PVT1: variants seen among roughly 807,000 people sequenced by gnomAD.
PVT1 encodes CXCR4/PVT1 fusion.
At chr8:127,989,987 G>A (rs16902508) in intron 4 of PVT1, among the ~76,000 whole-genome samples, 21,635 of 152,194 alleles carry the variant, frequency 0.14, 1,736 homozygotes, top group Non-Finnish European at 0.18. Context: ...AGGCTGCCTT[G>A]CACTGAGGAA....
intron 4 of PVT1, among the ~76,000 whole-genome samples, chr8:128,024,346 C>T (rs926995290): frequency 6.6e-6 from 1 of 152,178 alleles, no homozygotes; most frequent in Non-Finnish European, 1.5e-5. Flanking sequence ...CATAGTGGCT[C>T]ATGCCTGTAA....
intron 4 of PVT1, among the ~76,000 whole-genome samples, chr8:128,015,598 C>A (rs1256362393): frequency 2.0e-5 from 3 of 151,836 alleles, no homozygotes; most frequent in Non-Finnish European, 2.9e-5. Flanking sequence ...CATGGTGAAA[C>A]CCTGTCTCTA....
intron 3 of PVT1, among the ~76,000 whole-genome samples, chr8:127,921,633 G>A (rs1297345639): frequency 1.3e-5 from 2 of 151,930 alleles, no homozygotes; most frequent in Middle Eastern, 3.4e-3. Context: ...CCAACATATC[G>A]AAACCCCATC....
intron 4 of PVT1, among the ~76,000 whole-genome samples, chr8:128,058,562 C>CA: frequency 6.6e-6 from 1 of 152,238 alleles, no homozygotes; most frequent in Admixed American, 6.5e-5. Flanking sequence ...ACCTAAGTGG[C>CA]AAAACCCTTT....
chr8:127,826,154 C>T (rs2129688714), intron 2 of PVT1, among the ~76,000 whole-genome samples: 1 of 151,876 alleles, frequency 6.6e-6, no homozygotes, highest in East Asian at 1.9e-4. Context: ...GCTACCGCTA[C>T]ACCCAGCCTA....
intron 4 of PVT1, among the ~76,000 whole-genome samples, chr8:128,017,106 T>C (rs1367701941): frequency 6.6e-6 from 1 of 152,122 alleles, no homozygotes; most frequent in Non-Finnish European, 1.5e-5. Flanking sequence ...CCCACCTGCT[T>C]ATAGATGGAA....
chr8:127,809,713 C>T (rs1160282862), intron 2 of PVT1, among the ~76,000 whole-genome samples: 2 of 152,114 alleles, frequency 1.3e-5, no homozygotes, highest in Non-Finnish European at 2.9e-5. Flanking sequence ...TGGAAAGTCC[C>T]CAGGAATTTA....
chr8:127,888,330 T>A (rs1815552492), intron 2 of PVT1, among the ~76,000 whole-genome samples: 1 of 152,188 alleles, frequency 6.6e-6, no homozygotes, highest in Non-Finnish European at 1.5e-5. Flanking sequence ...CTGTGCATTG[T>A]GGGCAGGGTG....
chr8:128,084,608 A>C (rs550898845), intron 5 of PVT1, among the ~76,000 whole-genome samples: 1 of 152,356 alleles, frequency 6.6e-6, no homozygotes, highest in Non-Finnish European at 1.5e-5. Flanking sequence ...AGAAACCAGA[A>C]CATTCTGTAG....
chr8:127,936,440 G>C (rs185999630), intron 3 of PVT1, among the ~76,000 whole-genome samples: 1 of 152,108 alleles, frequency 6.6e-6, no homozygotes, highest in Non-Finnish European at 1.5e-5. Flanking sequence ...TGTGCCAGCT[G>C]CTCTCATATT....
At chr8:127,989,489 G>T (rs979217114) in intron 4 of PVT1, among the ~76,000 whole-genome samples, 1 of 152,054 alleles carries the variant, frequency 6.6e-6, no homozygotes, top group Admixed American at 6.5e-5. Flanking sequence ...TATTCATTGT[G>T]CCTAGGAAGC....
intron 4 of PVT1, among the ~76,000 whole-genome samples, chr8:128,036,379 A>G (rs76871712): frequency 0.019 from 2,879 of 152,242 alleles, 100 homozygotes; most frequent in African/African-American, 0.063. Flanking sequence ...TACCTCTTGT[A>G]CCTCGTCATC....
At chr8:128,047,508 G>C (rs1280026304) in intron 4 of PVT1, among the ~76,000 whole-genome samples, 1 of 152,206 alleles carries the variant, frequency 6.6e-6, no homozygotes, top group Non-Finnish European at 1.5e-5. Flanking sequence ...GCGCGTGGGA[G>C]CCATTATCTT....
chr8:128,010,737 C>G (rs773848450), intron 4 of PVT1: 5 of 152,240 alleles, frequency 3.3e-5, no homozygotes, highest in Non-Finnish European at 7.3e-5. Context: ...TGAGCATCTA[C>G]TCTGGATGAG....
chr8:128,001,593 G>A (rs1817177767), intron 4 of PVT1, among the ~76,000 whole-genome samples: 1 of 152,168 alleles, frequency 6.6e-6, no homozygotes, highest in African/African-American at 2.4e-5. Flanking sequence ...CTCACAGAGT[G>A]GGAAAGGTTT....
chr8:127,806,388 G>A (rs1323552762), intron 2 of PVT1, among the ~76,000 whole-genome samples: 1 of 152,076 alleles, frequency 6.6e-6, no homozygotes, highest in African/African-American at 2.4e-5. Context: ...TTGAACCTGG[G>A]AGGCATAGGT....
At chr8:128,046,866 A>G (rs1213856039) in intron 4 of PVT1, among the ~76,000 whole-genome samples, 1 of 152,146 alleles carries the variant, frequency 6.6e-6, no homozygotes, top group African/African-American at 2.4e-5. Flanking sequence ...TCCATCTCTA[A>G]TCACGTAGAT....
Position 128,061,711 on chromosome 8 carries a change from A to G in PVT1, n.913-8449A>G, listed in dbSNP as rs538439314. Reference sequence around the variant, plus strand: ...ATATGACGGTGCTAGAAGTCAGTACAGTGGTTTTCTCTGGGACGATGGCAG... The same window carrying G: ...ATATGACGGTGCTAGAAGTCAGTACGGTGGTTTTCTCTGGGACGATGGCAG... On this transcript the variant is annotated intron_variant and non_coding_transcript_variant, in intron 4 of 10. Coordinates refer to ENST00000651587, the Ensembl canonical transcript of PVT1. Among the ~76,000 whole-genome samples, 489 of 152,328 alleles carry G rather than the reference A, an allele frequency of 3.2e-3. 3 individuals are homozygous for G. The highest frequency in any genetic ancestry group is 2.2e-3 in the Non-Finnish European group (148 of 68,022).
At chr8:128,009,016 C>T (rs2392823) in intron 4 of PVT1, 295,599 of 475,016 alleles carry the variant, frequency 0.62, 93,706 homozygotes, top group African/African-American at 0.78. Flanking sequence ...AAATATATGG[C>T]TGAACTAACA....
Sources: allele counts gnomAD v4.1 joint callset (sites outside exome capture counted in the v4.1 genomes callset), GRCh38; gene constraint gnomAD v4.1.1; transcripts MANE v1.5; gene names NCBI Gene and HGNC (gene_info 2026-07-23, HGNC 2026-07-21).